MEGF9: variants seen among roughly 807,000 people sequenced by gnomAD.
The protein encoded by MEGF9 is multiple epidermal growth factor-like domains protein 9.
MEGF9 carries 6 observed loss-of-function variants against 46.8 expected under a neutral mutation model. The observed-to-expected ratio is 0.13, with a 90% CI of 0.07 to 0.25. The LOEUF (loss-of-function observed/expected upper bound fraction) is 0.25. MEGF9 is among the 10% of genes least tolerant of loss of function. The pLI, the probability that MEGF9 is intolerant of heterozygous loss-of-function variation, is 1.00. For synonymous variants in MEGF9, 302 were observed against 330.7 expected (o/e 0.91, Z 0.94); for missense variants, 683 against 792.4 (o/e 0.86, Z 1.66).
intron 1 of MEGF9, among the ~76,000 whole-genome samples, chr9:120,704,088 C>T (rs750635083): frequency 2.6e-5 from 4 of 152,126 alleles, no homozygotes; most frequent in South Asian, 2.1e-4. Flanking sequence ...AATCCCAGCA[C>T]TTTGGGAGGC....
intron 2 of MEGF9, among the ~76,000 whole-genome samples, chr9:120,655,590 T>A (rs533100701): frequency 6.6e-6 from 1 of 152,142 alleles, no homozygotes; most frequent in Non-Finnish European, 1.5e-5. Context: ...TATCACATAT[T>A]CCACATGAGA....
At position 120,631,071 on chromosome 9, in the gene MEGF9, C is replaced by T. The variant is rs114143403; in HGVS notation, c.804-8316G>A. Among the ~76,000 whole-genome samples the T allele has an allele frequency of 8.4e-3, 1,278 of 152,284 alleles. 14 individuals carry two copies. Among genetic ancestry groups the T allele is most frequent in the African/African-American group, 0.029 (1,216 of 41,540 alleles). ...CTCTGCCCAGAGCACTGCCCTGAAA[C>T]ATTTCTTCTATGTTTTCTGCCAGTA... On this transcript the variant is annotated intron_variant, in intron 2 of 5. Transcript: ENST00000373930.
intron 1 of MEGF9, among the ~76,000 whole-genome samples, chr9:120,681,305 G>T (rs1323203478): frequency 6.6e-6 from 1 of 152,172 alleles, no homozygotes; most frequent in African/African-American, 2.4e-5. Context: ...TTGGCACAGG[G>T]TGTGTCTAGA....
chr9:120,634,477 G>A (rs2043565321), intron 2 of MEGF9, among the ~76,000 whole-genome samples: 1 of 12,346 alleles, frequency 8.1e-5, no homozygotes, highest in Admixed American at 1.8e-3. Context: ...TTTTTTTTGA[G>A]ACGGAGTCTC....
At chr9:120,626,255 AG>A (rs1318091890) in intron 2 of MEGF9, among the ~76,000 whole-genome samples, 1 of 152,252 alleles carries the variant, frequency 6.6e-6, no homozygotes, top group Non-Finnish European at 1.5e-5. Context: ...CAGAAAAAAA[AG>A]AATATAGAAT....
At chr9:120,653,879 T>C (rs1482514917) in intron 2 of MEGF9, among the ~76,000 whole-genome samples, 5 of 152,200 alleles carry the variant, frequency 3.3e-5, no homozygotes, top group Non-Finnish European at 2.9e-5. Flanking sequence ...GGCTCATCTA[T>C]AGATACTGCA....
intron 2 of MEGF9, among the ~76,000 whole-genome samples, chr9:120,640,781 C>G (rs1291520993): frequency 6.6e-6 from 1 of 152,008 alleles, no homozygotes; most frequent in Non-Finnish European, 1.5e-5. Flanking sequence ...AACTGTGTTG[C>G]TGAGGTCTGG....
intron 3 of MEGF9, among the ~76,000 whole-genome samples, chr9:120,613,511 G>C (rs915213168): frequency 6.6e-6 from 1 of 151,270 alleles, no homozygotes. Flanking sequence ...TGAGTGCATG[G>C]ATATTTGTTA....
At chr9:120,694,623 T>C (rs2043866524) in intron 1 of MEGF9, among the ~76,000 whole-genome samples, 1 of 152,218 alleles carries the variant, frequency 6.6e-6, no homozygotes, top group Non-Finnish European at 1.5e-5. Flanking sequence ...CAACAGCCTT[T>C]TCTTCCCAGA....
At chr9:120,665,854 C>A (rs1277055074) in intron 1 of MEGF9, among the ~76,000 whole-genome samples, 3 of 152,158 alleles carry the variant, frequency 2.0e-5, no homozygotes, top group Admixed American at 2.0e-4. Flanking sequence ...AAGAATATAT[C>A]CTTTCCCCCA....
intron 1 of MEGF9, among the ~76,000 whole-genome samples, chr9:120,695,599 ATC>A (rs1299655399): frequency 8.2e-6 from 1 of 122,182 alleles, no homozygotes; most frequent in African/African-American, 3.5e-5. Flanking sequence ...GTGAGACCCC[ATC>A]TCAAAAAAAA....
At chr9:120,632,293 T>C (rs2132308863) in intron 2 of MEGF9, among the ~76,000 whole-genome samples, 1 of 152,192 alleles carries the variant, frequency 6.6e-6, no homozygotes, top group Admixed American at 6.5e-5. Context: ...ATAGTTTTCC[T>C]TGTAGAAATC....
rs781393999 is a variant in MEGF9 at position 120,607,934 on chromosome 9, A to T, written c.1164T>A (p.Asn388Lys). 7 of 1,613,970 alleles carry T rather than the reference A, an allele frequency of 4.3e-6. No homozygotes were observed. The Admixed American group carries it at 1.2e-4, about 27-fold the overall frequency. ...YIGPNCNKCENGYYNFDSICR... is the reference protein window; with the variant it reads ...YIGPNCNKCEKGYYNFDSICR... ...AGATGCTGTCAAAATTGTAATAGCC[A>T]TTTTCACATTTATTGCAGTTCGGGC... is the stretch of plus-strand genomic sequence containing the variant. The change falls in exon 5 of 6, where the codon AAT becomes AAA. Residue 388 changes from asparagine to lysine, a missense_variant. Around this residue, in one of 2 missense-constraint regions of MEGF9, gnomAD observed 313 missense variants for 421.1 expected, o/e 0.74. Transcript: ENST00000373930.
chr9:120,601,174 C>A lies in MEGF9; in HGVS notation c.*4016G>T, dbSNP rs2043393945. 6.6e-6 allele frequency: 1 copy of A among 152,622 alleles called. No homozygotes were observed. Among genetic ancestry groups the A allele is most frequent in the South Asian group, 2.1e-4 (1 of 4,830 alleles). The allele number at this position is 152,622 out of a possible 1,614,324, so 9.5% of individuals were successfully genotyped here. ...TATAGAGTGCTTATGCCTAGCATTA[C>A]AACTTGACTTTAAATCATTTAGCTT... On this transcript the variant is annotated 3_prime_UTR_variant, in exon 6 of 6. Coordinates refer to ENST00000373930, the MANE Select transcript of MEGF9 (RefSeq NM_001080497.3).
rs531558794 is a variant in MEGF9, at chr9:120,602,284, G to A, written c.*2906C>T. On this transcript the variant is annotated 3_prime_UTR_variant, in exon 6 of 6. Coordinates refer to ENST00000373930, the MANE Select transcript of MEGF9 (RefSeq NM_001080497.3). Reference sequence around the variant, plus strand: ...CCCAAAGTGCTGGGATTACAGGCGTGAGCCACCGCACCCGGCCCAAAATTA... The same window carrying A: ...CCCAAAGTGCTGGGATTACAGGCGTAAGCCACCGCACCCGGCCCAAAATTA... 1.3e-5 allele frequency: 2 copies of A among 152,630 alleles called. No individual in the cohort carries two copies. Among genetic ancestry groups the A allele is most frequent in the Non-Finnish European group, 2.9e-5 (2 of 68,118 alleles). The allele number at this position is 152,630 out of a possible 1,614,324, so 9.5% of individuals were successfully genotyped here.
intron 1 of MEGF9, among the ~76,000 whole-genome samples, chr9:120,704,699 C>A (rs1417095640): frequency 6.6e-6 from 1 of 152,112 alleles, no homozygotes; most frequent in Non-Finnish European, 1.5e-5. Context: ...ATATAATATG[C>A]AGAAATCAAC....
chr9:120,684,446 T>A (rs1266447225), intron 1 of MEGF9, among the ~76,000 whole-genome samples: 1 of 152,188 alleles, frequency 6.6e-6, no homozygotes, highest in South Asian at 2.1e-4. Context: ...CTTTCAGAAG[T>A]CAAAGGGGGT....
At chr9:120,700,369 A>G (rs1361914214) in intron 1 of MEGF9, among the ~76,000 whole-genome samples, 2 of 152,214 alleles carry the variant, frequency 1.3e-5, no homozygotes, top group African/African-American at 4.8e-5. Flanking sequence ...CAATACACCA[A>G]CAATTCAGTA....
At chr9:120,637,790 CAAAAAAAAAAAA>C (rs34861368) in intron 2 of MEGF9, among the ~76,000 whole-genome samples, 2,054 of 34,838 alleles carry the variant, frequency 0.059, 88 homozygotes, top group African/African-American at 0.21. Context: ...GACTCTGTCT[CAAAAAAAAAAAA>C]AAAAAAAAAA....
Sources: allele counts gnomAD v4.1 joint callset (sites outside exome capture counted in the v4.1 genomes callset), GRCh38; gene constraint gnomAD v4.1.1; regional missense constraint gnomAD v4.1.1; transcripts MANE v1.5; gene names NCBI Gene and HGNC (gene_info 2026-07-23, HGNC 2026-07-21).